LRRK2: variants seen among roughly 807,000 people sequenced by gnomAD.
The protein encoded by LRRK2 is leucine-rich repeat serine/threonine-protein kinase 2.
Under a neutral mutation model 302.6 loss-of-function variants are expected in LRRK2, and 203 were observed. That is an observed-to-expected ratio of 0.67 (90% CI 0.60 to 0.75). The LOEUF (loss-of-function observed/expected upper bound fraction) is 0.75, where lower values mean the gene tolerates loss of function less well. Among genes scored for constraint, LRRK2 ranks in the 30% least tolerant of loss-of-function variants. LRRK2 has a pLI of 0.00. For synonymous variants in LRRK2, 1,066 were observed against 1,031.9 expected, an observed-to-expected ratio of 1.03 and a Z score of -0.63; for missense variants, 2,830 against 2,951.0, an observed-to-expected ratio of 0.96 and a Z score of 0.95.
intron 39 of LRRK2, among the ~76,000 whole-genome samples, chr12:40,331,897 T>C (rs1320432591): frequency 1.3e-5 from 2 of 152,236 alleles, no homozygotes; most frequent in Non-Finnish European, 2.9e-5. Flanking sequence ...GGTATATTGG[T>C]TTAATTCCTT....
intron 25 of LRRK2, among the ~76,000 whole-genome samples, chr12:40,299,743 A>G (rs1301520243): frequency 6.6e-6 from 1 of 152,094 alleles, no homozygotes; most frequent in Admixed American, 6.6e-5. Flanking sequence ...TTGAGTGATA[A>G]TGGTGTGTCA....
At chr12:40,308,341 TTA>T (rs1944908818) in intron 28 of LRRK2, 124 bp from the exon 29 acceptor site, 2 of 687,750 alleles carry the variant, frequency 2.9e-6, no homozygotes, top group East Asian at 5.4e-5. Flanking sequence ...ACATTATTAG[TTA>T]TATGAGATAT....
At chr12:40,230,921 T>C (rs1417436274) in intron 2 of LRRK2, among the ~76,000 whole-genome samples, 3 of 152,156 alleles carry the variant, frequency 2.0e-5, no homozygotes, top group Non-Finnish European at 4.4e-5. Context: ...TATTTCGAAA[T>C]GTGAAAGAGC....
At chr12:40,266,737 G>C (rs1335327781) in intron 14 of LRRK2, among the ~76,000 whole-genome samples, 2 of 152,028 alleles carry the variant, frequency 1.3e-5, no homozygotes, top group Non-Finnish European at 2.9e-5. Flanking sequence ...CAATAGCAAA[G>C]ACTTGGAACC....
chr12:40,321,251 T>C (rs2136885906), intron 35 of LRRK2, 63 bp downstream of exon 35: 1 of 1,471,536 alleles, frequency 6.8e-7, no homozygotes, highest in East Asian at 2.3e-5. Flanking sequence ...TATTAATTTT[T>C]AGAGAAATTA....
In LRRK2 at chr12:40,225,044, C is replaced by CG; in HGVS notation, c.-88_-87insG. ...TGCGGGCGGTGAGCTGAGCTCGCCC[C>CG]CGGGGAGCTGTGGCCGGCGCCCCTG... On this transcript the variant is annotated 5_prime_UTR_variant, in exon 1 of 51. Coordinates refer to ENST00000298910, the MANE Select transcript of LRRK2 (RefSeq NM_198578.4). 6.4e-7 allele frequency: 1 copy of CG among 1,562,400 alleles called. No individual in the cohort carries two copies. Among genetic ancestry groups the CG allele is most frequent in the African/African-American group, 1.4e-5 (1 of 73,914 alleles).
rs1311139294 is a variant in LRRK2, at chr12:40,348,443, T to C, written c.6315T>C (p.Pro2105=). ...AAGAATATGGTTGTGCCCCATGGCC[T>C]ATGGTTGAGAAATTAATTAAACAGT... ...PVKEYGCAPW[P]MVEKLIKQCL... is the part of the protein sequence containing the mutation. Residue 2105 remains proline (P), a synonymous_variant, in exon 43 of 51, where the codon CCT becomes CCC. Coordinates refer to ENST00000298910, the MANE Select transcript of LRRK2 (RefSeq NM_198578.4). 1 of 1,612,654 alleles carries C rather than the reference T, an allele frequency of 6.2e-7. No homozygotes were observed.
intron 11 of LRRK2, among the ~76,000 whole-genome samples, chr12:40,256,632 G>A (rs1223263543): frequency 1.3e-5 from 2 of 152,146 alleles, no homozygotes; most frequent in Non-Finnish European, 2.9e-5. Flanking sequence ...CCATTCATTT[G>A]TATATGATGG....
At chr12:40,259,939 G>A (rs1222868501) in intron 13 of LRRK2, among the ~76,000 whole-genome samples, 1 of 151,836 alleles carries the variant, frequency 6.6e-6, no homozygotes, top group East Asian at 1.9e-4. Flanking sequence ...TCTCTTGTTT[G>A]AATTGTACTA....
chr12:40,352,806 G>T (rs1323832814), intron 44 of LRRK2, among the ~76,000 whole-genome samples: 2 of 151,934 alleles, frequency 1.3e-5, no homozygotes, highest in Non-Finnish European at 2.9e-5. Context: ...AGCATCCCAA[G>T]GCAGAAGAAT....
intron 40 of LRRK2, 62 bp downstream of exon 40, chr12:40,335,219 G>T: frequency 6.4e-7 from 1 of 1,566,926 alleles, no homozygotes; most frequent in Non-Finnish European, 8.8e-7. Context: ...CTTGCTCTCA[G>T]GTTCTGAGAA....
In LRRK2 at chr12:40,305,864, A is replaced by G. The variant is rs777961379; in HGVS notation, c.3857A>G (p.Asn1286Ser). 1.7e-5 allele frequency: 28 copies of G among 1,613,522 alleles called. No homozygotes were observed. The South Asian group carries it at 1.9e-4, about 11-fold the overall frequency. Residue 1286 changes from asparagine to serine, a missense_variant, in exon 28 of 51, where the codon AAT (asparagine) becomes AGT (serine). Transcript: ENST00000298910. Reference protein sequence around the residue: ...SYNLELRSFPNEMGKLSKIWD... With the variant: ...SYNLELRSFPSEMGKLSKIWD... Reference sequence around the variant, plus strand: ...AACTTGGAACTAAGATCCTTTCCCAATGAAATGGGGAAATTAAGCAAAATA... The same window carrying G: ...AACTTGGAACTAAGATCCTTTCCCAGTGAAATGGGGAAATTAAGCAAAATA...
At position 40,302,731 on chromosome 12, in the gene LRRK2, AT is replaced by A. The variant is rs529762691; in HGVS notation, c.3497-55del. 415 of 1,211,148 alleles carry A rather than the reference AT, an allele frequency of 3.4e-4. 1 individual carries two copies. The African/African-American group carries it at 5.4e-3, about 16-fold the overall frequency. 75.0% of individuals were successfully genotyped at this position (1,211,148 alleles called of 1,614,324 possible). A position where few individuals can be genotyped will look rare whatever the true frequency, so the allele number is the denominator to read the frequency against. On this transcript the variant is annotated intron_variant, in intron 25 of 50. Coordinates refer to ENST00000298910, the MANE Select transcript of LRRK2 (RefSeq NM_198578.4). ...TATTGGTAGCTGTTCTTATTTTTGA[AT>A]TTAATGGAAATCTGGTTAAAATGAT...
intron 24 of LRRK2, 102 bp from the exon 25 acceptor site, chr12:40,299,007 C>A: frequency 9.0e-7 from 1 of 1,116,126 alleles, no homozygotes. Context: ...ATTAATGAGT[C>A]CTCTTTGATG....
At chr12:40,248,518 T>C (rs577248695) in intron 7 of LRRK2, among the ~76,000 whole-genome samples, 1 of 152,200 alleles carries the variant, frequency 6.6e-6, no homozygotes, top group East Asian at 1.9e-4. Flanking sequence ...TTGTTCCATT[T>C]AATGGGTAGA....
At chr12:40,326,678 A>G (rs1470206339) in intron 38 of LRRK2, among the ~76,000 whole-genome samples, 1 of 151,862 alleles carries the variant, frequency 6.6e-6, no homozygotes, top group Non-Finnish European at 1.5e-5. Context: ...TTCCCCCTCT[A>G]CTTGCTTTCT....
rs764590809 is a variant in LRRK2, at chr12:40,308,594, G to A, written c.4087G>A (p.Gly1363Arg). 4 of 1,614,008 alleles carry A rather than the reference G, an allele frequency of 2.5e-6. No individual in the cohort carries two copies. In the South Asian group the frequency reaches 3.3e-5, roughly 13 times the overall value. ...AATGAAAACCAAGAAATCAGATCTT[G>A]GAATGCAAAGTGCCACAGTTGGCAT... is the stretch of plus-strand genomic sequence containing the variant. ...QLMKTKKSDL[G>R]MQSATVGIDV... The change falls in exon 29 of 51, where the codon GGA (glycine) becomes AGA (arginine). Residue 1363 changes from glycine (G) to arginine (R), a missense_variant. Physicochemically the swap from Gly to Arg is moderately radical, Grantham distance 125. Coordinates refer to ENST00000298910, the MANE Select transcript of LRRK2 (RefSeq NM_198578.4).
At chr12:40,301,732 T>C (rs1184945458) in intron 25 of LRRK2, among the ~76,000 whole-genome samples, 1 of 152,182 alleles carries the variant, frequency 6.6e-6, no homozygotes, top group East Asian at 1.9e-4. Context: ...AAACGGTAGA[T>C]TTGTAGATCT....
chr12:40,303,723 T>G (rs1269299218), intron 26 of LRRK2, among the ~76,000 whole-genome samples: 1 of 152,092 alleles, frequency 6.6e-6, no homozygotes, highest in African/African-American at 2.4e-5. Flanking sequence ...TAGCCACTGT[T>G]ATTATCTCCA....
Sources: allele counts gnomAD v4.1 joint callset (sites outside exome capture counted in the v4.1 genomes callset), GRCh38; gene constraint gnomAD v4.1.1; transcripts MANE v1.5; gene names NCBI Gene and HGNC (gene_info 2026-07-23, HGNC 2026-07-21).